BICD2: variants seen among roughly 807,000 people sequenced by gnomAD.
BICD2 encodes BICD cargo adaptor 2.
In BICD2, 25 loss-of-function variants were observed where a neutral mutation model predicts 72.9. That is an observed-to-expected ratio of 0.34 (90% confidence interval 0.25 to 0.48). The LOEUF (loss-of-function observed/expected upper bound fraction) is 0.48. BICD2 is among the 20% of genes least tolerant of loss of function. The pLI is 0.99. For synonymous variants in BICD2, 501 were observed against 516.1 expected, an observed-to-expected ratio of 0.97 and a Z score of 0.40; for missense variants, 894 against 1,175.2, an observed-to-expected ratio of 0.76 and a Z score of 3.50.
At chr9:92,718,055 G>T in intron 5 of BICD2, 107 bp from the exon 6 acceptor site, 1 of 1,385,728 alleles carries the variant, frequency 7.2e-7, no homozygotes. Context: ...GCAGTGCCTG[G>T]GAAGAAAGCT....
chr9:92,736,913 C>G (rs1360738585), intron 1 of BICD2, among the ~76,000 whole-genome samples: 1 of 152,172 alleles, frequency 6.6e-6, no homozygotes, highest in African/African-American at 2.4e-5. Flanking sequence ...GGGCTGGAGA[C>G]AGAAGGCTGG....
intron 1 of BICD2, among the ~76,000 whole-genome samples, chr9:92,752,730 C>G (rs545637984): frequency 1.7e-4 from 26 of 152,302 alleles, no homozygotes; most frequent in Admixed American, 1.5e-3. Flanking sequence ...CCACTCCAGC[C>G]TGGGCGACAG....
rs114233623 is a variant in BICD2 at position 92,727,558 on chromosome 9, G to A, written c.453+1466C>T. The stretch of plus-strand genomic sequence containing the variant: ...CCACTCCTCCAGCCATTCCCAATGA[G>A]AACCTGGGGCTGACCCTCAAAGGCC... On this transcript the variant is annotated intron_variant, in intron 2 of 6. Coordinates refer to ENST00000356884, the MANE Select transcript of BICD2 (RefSeq NM_001003800.2). 1.8e-3 allele frequency among the ~76,000 whole-genome samples: 277 copies of A among 152,280 alleles called. 2 individuals are homozygous for A. Among genetic ancestry groups the A allele is most frequent in the African/African-American group, 6.3e-3 (261 of 41,554 alleles).
chr9:92,719,372 A>G lies in BICD2; in HGVS notation c.1273T>C (p.Tyr425His), dbSNP rs1853407945. 1 of 1,614,212 alleles carries G rather than the reference A, an allele frequency of 6.2e-7. No homozygotes were observed. The highest frequency in any genetic ancestry group is 8.5e-7 in the Non-Finnish European group (1 of 1,180,036). The change falls in exon 5 of 7, where the codon TAC becomes CAC. Residue 425 changes from tyrosine to histidine, a missense_variant. This residue lies in a region of BICD2 where 371 missense variants were observed against 439.1 expected (regional missense o/e 0.84). Coordinates refer to ENST00000356884, the MANE Select transcript of BICD2 (RefSeq NM_001003800.2). Reference protein sequence around the residue: ...DRDSHEDGDYYEVDINGPEIL... With the variant: ...DRDSHEDGDYHEVDINGPEIL... ...TCAGGCCCGTTGATGTCCACCTCGT[A>G]GTAGTCCCCATCCTCATGGCTGTCA... is the stretch of plus-strand genomic sequence containing the variant.
chr9:92,739,228 G>A (rs750927081), intron 1 of BICD2, among the ~76,000 whole-genome samples: 1 of 152,166 alleles, frequency 6.6e-6, no homozygotes, highest in Non-Finnish European at 1.5e-5. Flanking sequence ...CCAGGGACTG[G>A]CTTTACCATC....
chr9:92,722,161 C>T (rs944381534), intron 3 of BICD2, among the ~76,000 whole-genome samples: 1 of 152,160 alleles, frequency 6.6e-6, no homozygotes, highest in East Asian at 1.9e-4. Context: ...AGGGACCCTC[C>T]TTATTCATCT....
At chr9:92,761,994 C>T (rs1854382084) in intron 1 of BICD2, among the ~76,000 whole-genome samples, 1 of 152,154 alleles carries the variant, frequency 6.6e-6, no homozygotes. Context: ...CACCACAAGA[C>T]CCTCCTCAGC....
chr9:92,754,025 G>A (rs1197647311), intron 1 of BICD2, among the ~76,000 whole-genome samples: 2 of 151,828 alleles, frequency 1.3e-5, no homozygotes, highest in East Asian at 4.0e-4. Context: ...GGTGCCTGTA[G>A]TCGGAGCTAC....
chr9:92,744,857 A>G (rs943131055), intron 1 of BICD2, among the ~76,000 whole-genome samples: 18 of 152,170 alleles, frequency 1.2e-4, no homozygotes, highest in Non-Finnish European at 2.9e-5. Context: ...AAAAAAGAAA[A>G]AAAAGGAAAA....
At chr9:92,742,408 G>A (rs904491697) in intron 1 of BICD2, among the ~76,000 whole-genome samples, 6 of 144,480 alleles carry the variant, frequency 4.2e-5, no homozygotes, top group Admixed American at 2.1e-4. Context: ...TTTTTGAGAT[G>A]GAGTCTCGCT....
In BICD2 at chr9:92,764,408, C is replaced by A; in HGVS notation, c.240+97G>T. The A allele has an allele frequency of 7.4e-7, 1 of 1,358,818 alleles. No individual in the cohort carries two copies. Among genetic ancestry groups the A allele is most frequent in the South Asian group, 1.7e-5 (1 of 59,050 alleles). The allele number at this position is 1,358,818 out of a possible 1,614,324, so 84.2% of individuals were successfully genotyped here. ...CCGGCGGCCCACCCCTGCCGGCCCC[C>A]GCTTGGCAAGCTGACCTTGGCCGCC... On this transcript the variant is annotated intron_variant, in intron 1 of 6. Coordinates refer to ENST00000356884, the MANE Select transcript of BICD2 (RefSeq NM_001003800.2). The surrounding 1 kb of genome is among the most constrained non-coding windows in gnomAD (Gnocchi z 5.5).
chr9:92,726,317 A>AT (rs1853566852), intron 2 of BICD2, among the ~76,000 whole-genome samples: 1 of 152,064 alleles, frequency 6.6e-6, no homozygotes, highest in African/African-American at 2.4e-5. Flanking sequence ...TGGGGTGTGG[A>AT]GGGGGACAGA....
At position 92,729,015 on chromosome 9, in the gene BICD2, C is replaced by G. The variant is rs202189685; in HGVS notation, c.453+9G>C. ...CAGCCACAGACTAGGCCCCTCCTCA[C>G]CCCCTCACCTCCTTCAGCTCCTGGG... On this transcript the variant is annotated intron_variant, in intron 2 of 6. Transcript: ENST00000356884. 1.9e-6 allele frequency: 3 copies of G among 1,613,028 alleles called. No individual in the cohort carries two copies. In the Admixed American group the frequency reaches 5.0e-5, roughly 27 times the overall value.
chr9:92,761,842 C>A (rs1249209696), intron 1 of BICD2, among the ~76,000 whole-genome samples: 1 of 152,200 alleles, frequency 6.6e-6, no homozygotes, highest in Non-Finnish European at 1.5e-5. Context: ...AAATCACTAG[C>A]AGAATGATTA....
chr9:92,718,022 G>A (rs1313938310), intron 5 of BICD2, 74 bp from the exon 6 acceptor site: 18 of 1,526,964 alleles, frequency 1.2e-5, no homozygotes, highest in East Asian at 4.6e-5. Context: ...GAGCAGGATC[G>A]GGAGCCCCGG....
At chr9:92,752,868 A>G (rs758827888) in intron 1 of BICD2, among the ~76,000 whole-genome samples, 22 of 152,246 alleles carry the variant, frequency 1.4e-4, no homozygotes, top group Non-Finnish European at 2.8e-4. Flanking sequence ...TTATGTAGAT[A>G]GCACCCTGCC....
chr9:92,735,471 C>T (rs972020240), intron 1 of BICD2, among the ~76,000 whole-genome samples: 3 of 151,842 alleles, frequency 2.0e-5, no homozygotes, highest in Non-Finnish European at 2.9e-5. Flanking sequence ...GGGAATAGCA[C>T]GAGCAATGAC....
chr9:92,756,933 G>A (rs1854271094), intron 1 of BICD2, among the ~76,000 whole-genome samples: 1 of 152,010 alleles, frequency 6.6e-6, no homozygotes, highest in South Asian at 2.1e-4. Context: ...AGATAAAGTG[G>A]GAATCTCCGC....
intron 1 of BICD2, among the ~76,000 whole-genome samples, chr9:92,745,755 A>G (rs1284810343): frequency 6.6e-6 from 1 of 152,204 alleles, no homozygotes; most frequent in East Asian, 1.9e-4. Flanking sequence ...GAACTCCGAG[A>G]ACACACATCT....
Sources: gnomAD v4.1 joint callset for allele counts (sites outside exome capture counted in the v4.1 genomes callset) on GRCh38, gnomAD v4.1.1 for gene constraint, gnomAD v4.1.1 regional missense constraint, Gnocchi (gnomAD v3.1) non-coding constraint, MANE v1.5 for transcripts, NCBI Gene and HGNC (gene_info 2026-07-23, HGNC 2026-07-21) for gene names.